GPD1L: variants seen among roughly 807,000 people sequenced by gnomAD.
GPD1L encodes the protein glycerol-3-phosphate dehydrogenase 1-like protein.
Under a neutral mutation model 32.9 loss-of-function variants are expected in GPD1L, and 17 were observed. That is an observed-to-expected ratio of 0.52 (90% confidence interval 0.35 to 0.78). GPD1L has a LOEUF of 0.78. Among genes scored for constraint, GPD1L ranks in the 30% least tolerant of loss-of-function variants. GPD1L has a pLI of 0.01. For missense variants in GPD1L, 361 were observed against 447.8 expected (o/e 0.81, Z 1.75); for synonymous variants, 187 against 165.9 (o/e 1.13, Z -0.98).
intron 4 of GPD1L, among the ~76,000 whole-genome samples, chr3:32,141,454 C>T (rs1330707534): frequency 1.3e-5 from 2 of 152,062 alleles, no homozygotes; most frequent in Non-Finnish European, 2.9e-5. Context: ...GCTTTATTCG[C>T]TGAATATGTA....
At chr3:32,124,234 T>C (rs1365376200) in intron 1 of GPD1L, among the ~76,000 whole-genome samples, 2 of 152,040 alleles carry the variant, frequency 1.3e-5, no homozygotes, top group African/African-American at 4.8e-5. Context: ...CTCAGCTAAT[T>C]TTTTGTATTT....
intron 1 of GPD1L, among the ~76,000 whole-genome samples, chr3:32,116,710 A>G (rs1337700346): frequency 1.3e-5 from 2 of 152,278 alleles, no homozygotes; most frequent in East Asian, 1.9e-4. Flanking sequence ...AGTTACTTCT[A>G]CCAAAGGAGA....
chr3:32,138,771 G>A lies in GPD1L; in HGVS notation c.366+44G>A, dbSNP rs779901962. 3 of 1,600,996 alleles carry A rather than the reference G, an allele frequency of 1.9e-6. No homozygotes were observed. The South Asian group carries it at 3.3e-5, about 18-fold the overall frequency. ...GCCCAGGGCTAGACATTGGTTATCAGGAAATTTCATTTCCTCACACTTTCA... is the reference window on the plus strand; with the variant it reads ...GCCCAGGGCTAGACATTGGTTATCAAGAAATTTCATTTCCTCACACTTTCA... On this transcript the variant is annotated intron_variant, in intron 3 of 7. Transcript: ENST00000282541.
At chr3:32,110,855 C>T (rs1436346076) in intron 1 of GPD1L, among the ~76,000 whole-genome samples, 1 of 152,184 alleles carries the variant, frequency 6.6e-6, no homozygotes, top group Non-Finnish European at 1.5e-5. Context: ...GAAACAGTTT[C>T]TTTTTTCTTT....
At chr3:32,150,687 A>T (rs964065645) in intron 5 of GPD1L, among the ~76,000 whole-genome samples, 5 of 152,132 alleles carry the variant, frequency 3.3e-5, no homozygotes, top group African/African-American at 1.2e-4. Flanking sequence ...GGGTTTTGCC[A>T]TGTTGGCCAG....
chr3:32,125,215 G>A (rs2125476918), intron 1 of GPD1L, among the ~76,000 whole-genome samples: 1 of 152,224 alleles, frequency 6.6e-6, no homozygotes, highest in African/African-American at 2.4e-5. Flanking sequence ...CAACAGCTTG[G>A]CCAACAATTC....
At chr3:32,130,166 T>C (rs1700564970) in intron 2 of GPD1L, among the ~76,000 whole-genome samples, 1 of 151,964 alleles carries the variant, frequency 6.6e-6, no homozygotes, top group Admixed American at 6.6e-5. Context: ...GGAATCGACA[T>C]AGAGGAGTTG....
chr3:32,135,049 G>A lies in GPD1L; in HGVS notation c.226-3538G>A, dbSNP rs977218842. On this transcript the variant is annotated intron_variant, in intron 2 of 7. Coordinates refer to ENST00000282541, the MANE Select transcript of GPD1L (RefSeq NM_015141.4). ...TAGCTTGCCAGAGGTCACACAGCTGGTCAGTTGCAGATGTGCAACCCAGAC... is the reference window on the plus strand; with the variant it reads ...TAGCTTGCCAGAGGTCACACAGCTGATCAGTTGCAGATGTGCAACCCAGAC... 3.3e-5 allele frequency among the ~76,000 whole-genome samples: 5 copies of A among 152,316 alleles called. No homozygotes were observed. In the South Asian group the frequency reaches 8.3e-4, roughly 25 times the overall value.
chr3:32,140,921 T>G (rs548025760), intron 4 of GPD1L, among the ~76,000 whole-genome samples: 4 of 152,348 alleles, frequency 2.6e-5, no homozygotes, highest in African/African-American at 9.6e-5. Flanking sequence ...CTCTTACACA[T>G]TATACATTAG....
chr3:32,142,933 C>G (rs1700768714), intron 4 of GPD1L, among the ~76,000 whole-genome samples: 1 of 152,034 alleles, frequency 6.6e-6, no homozygotes, highest in East Asian at 1.9e-4. Flanking sequence ...TGGAGTAGCT[C>G]TCGTGAGGCT....
rs1007546862 is a variant in GPD1L, at chr3:32,167,279, C to T, written c.*1369C>T. 6.6e-6 allele frequency: 1 copy of T among 152,128 alleles called. No individual in the cohort carries two copies. 9.4% of individuals were successfully genotyped at this position (152,128 alleles called of 1,614,324 possible). A position where few individuals can be genotyped will look rare whatever the true frequency, so the allele number is the denominator to read the frequency against. ...ATGTATGTTTATACATCAGTGGAAC[C>T]CATTTTTCTAGCCTAGCAAGTCCCA... On this transcript the variant is annotated 3_prime_UTR_variant, in exon 8 of 8. Coordinates refer to ENST00000282541, the MANE Select transcript of GPD1L (RefSeq NM_015141.4).
At chr3:32,161,471 A>T (rs1389300688) in intron 7 of GPD1L, among the ~76,000 whole-genome samples, 1 of 152,128 alleles carries the variant, frequency 6.6e-6, no homozygotes, top group Admixed American at 6.5e-5. Flanking sequence ...ACCACTGAGC[A>T]TTTATCAAGA....
chr3:32,147,088 A>G (rs962635553), intron 5 of GPD1L, among the ~76,000 whole-genome samples: 2 of 152,236 alleles, frequency 1.3e-5, no homozygotes, highest in Non-Finnish European at 2.9e-5. Flanking sequence ...CATCCTGAGC[A>G]GGAAAAGGAA....
chr3:32,139,461 TAAACA>T (rs1218457817), intron 3 of GPD1L, among the ~76,000 whole-genome samples: 2 of 152,260 alleles, frequency 1.3e-5, no homozygotes, highest in Non-Finnish European at 2.9e-5. Flanking sequence ...ATTTGTTTTT[TAAACA>T]AATTTCAACA....
At chr3:32,145,582 G>T (rs557031942) in intron 4 of GPD1L, among the ~76,000 whole-genome samples, 20 of 152,196 alleles carry the variant, frequency 1.3e-4, no homozygotes, top group Admixed American at 4.6e-4. Flanking sequence ...GTGACTTGAG[G>T]GAGGGGCTGG....
intron 1 of GPD1L, among the ~76,000 whole-genome samples, chr3:32,114,730 G>C (rs1401576075): frequency 2.0e-5 from 3 of 152,234 alleles, no homozygotes; most frequent in Non-Finnish European, 4.4e-5. Context: ...AGTTCTTAAA[G>C]ATGGTGTGTT....
intron 2 of GPD1L, among the ~76,000 whole-genome samples, chr3:32,137,040 T>C (rs368354803): frequency 2.6e-5 from 4 of 152,170 alleles, no homozygotes; most frequent in Non-Finnish European, 5.9e-5. Flanking sequence ...TCTGTGATTA[T>C]AGAGAAAGGG....
At chr3:32,156,241 C>T (rs768855279) in intron 5 of GPD1L, among the ~76,000 whole-genome samples, 1 of 152,126 alleles carries the variant, frequency 6.6e-6, no homozygotes, top group African/African-American at 2.4e-5. Context: ...ACCTATAGTT[C>T]GCATAGCCTG....
intron 4 of GPD1L, among the ~76,000 whole-genome samples, chr3:32,143,073 A>G (rs996036723): frequency 4.6e-5 from 7 of 152,080 alleles, no homozygotes; most frequent in African/African-American, 1.7e-4. Context: ...AGTCCCAGCT[A>G]CTCAGGAGAC....
Sources: allele counts gnomAD v4.1 joint callset (sites outside exome capture counted in the v4.1 genomes callset), GRCh38; gene constraint gnomAD v4.1.1; transcripts MANE v1.5; gene names NCBI Gene and HGNC (gene_info 2026-07-23, HGNC 2026-07-21).